The following PARM1 variants were observed in gnomAD, a reference collection of about 807,000 sequenced individuals.
The protein encoded by PARM1 is WSC4, cell wall integrity and stress response component 4 homolog.
In PARM1, 14 loss-of-function variants were observed where a neutral mutation model predicts 24.6. The ratio of observed to expected loss-of-function variants is 0.57; its 90% CI spans 0.38 to 0.89. PARM1 has a LOEUF of 0.89. Ranked by LOEUF, PARM1 falls within the 40% of genes least tolerant of loss-of-function variation. The pLI is 0.00. For missense variants in PARM1, 362 were observed against 380.4 expected, an observed-to-expected ratio of 0.95 and a Z score of 0.40; for synonymous variants, 179 against 156.6, an observed-to-expected ratio of 1.14 and a Z score of -1.07.
chr4:75,018,618 A>T (rs2109799000), intron 2 of PARM1, among the ~76,000 whole-genome samples: 1 of 152,308 alleles, frequency 6.6e-6, no homozygotes. Context: ...GTAATTATTT[A>T]TTACAATTAT....
At chr4:75,029,350 T>C (rs765921358) in intron 2 of PARM1, among the ~76,000 whole-genome samples, 16 of 152,342 alleles carry the variant, frequency 1.1e-4, no homozygotes, top group Non-Finnish European at 1.9e-4. Context: ...TTTGGCTGTG[T>C]GTCCCCACCC....
Position 75,049,799 on chromosome 4 carries a change from T to C in PARM1, c.*3552T>C, listed in dbSNP as rs1296244531. 6 of 152,556 alleles carry C rather than the reference T, an allele frequency of 3.9e-5. No individual in the cohort carries two copies. Among genetic ancestry groups the C allele is most frequent in the African/African-American group, 1.4e-4 (6 of 41,400 alleles). 9.5% of individuals were successfully genotyped at this position (152,556 alleles called of 1,614,324 possible). A position where few individuals can be genotyped will look rare whatever the true frequency, so the allele number is the denominator to read the frequency against. ...CAATCCCTCACATCCAGGAAATGAA[T>C]TTTGCAATTGGGCCAGATGCTAATT... is the stretch of plus-strand genomic sequence containing the variant. On this transcript the variant is annotated 3_prime_UTR_variant, in exon 4 of 4. Transcript: ENST00000307428.
At chr4:74,945,472 A>G (rs1240148654) in intron 1 of PARM1, among the ~76,000 whole-genome samples, 1 of 152,224 alleles carries the variant, frequency 6.6e-6, no homozygotes, top group East Asian at 1.9e-4. Context: ...AGAGAAGCAA[A>G]TAACCTCAAC....
intron 2 of PARM1, among the ~76,000 whole-genome samples, chr4:75,018,190 G>A (rs1723024260): frequency 1.3e-5 from 2 of 152,188 alleles, no homozygotes; most frequent in South Asian, 2.1e-4. Flanking sequence ...ACAATGTAGT[G>A]TGCACATGGC....
intron 1 of PARM1, among the ~76,000 whole-genome samples, chr4:74,988,971 G>C (rs1722410492): frequency 6.6e-6 from 1 of 152,160 alleles, no homozygotes; most frequent in Non-Finnish European, 1.5e-5. Context: ...ACTTAGTTTT[G>C]TGCACAGTAA....
intron 1 of PARM1, among the ~76,000 whole-genome samples, chr4:74,947,682 T>A (rs1721436227): frequency 6.6e-6 from 1 of 152,232 alleles, no homozygotes; most frequent in South Asian, 2.1e-4. Context: ...AGTATTTACT[T>A]CAAAATAATA....
At chr4:75,028,175 A>G (rs187152109) in intron 2 of PARM1, among the ~76,000 whole-genome samples, 45 of 152,328 alleles carry the variant, frequency 3.0e-4, no homozygotes, top group Middle Eastern at 3.4e-3. Context: ...AGTTGCTATT[A>G]TTTTTGTTGT....
intron 2 of PARM1, among the ~76,000 whole-genome samples, chr4:75,021,134 A>C (rs1321389228): frequency 6.6e-6 from 1 of 152,220 alleles, no homozygotes; most frequent in African/African-American, 2.4e-5. Context: ...TCAATCAATC[A>C]ATGATTTTTG....
At chr4:74,972,817 T>C (rs905712871) in intron 1 of PARM1, among the ~76,000 whole-genome samples, 26 of 152,346 alleles carry the variant, frequency 1.7e-4, no homozygotes, top group African/African-American at 5.3e-4. Flanking sequence ...ATCTTGCTGA[T>C]GCCTCAATGT....
intron 1 of PARM1, among the ~76,000 whole-genome samples, chr4:74,936,230 C>A (rs892876264): frequency 2.6e-5 from 4 of 152,054 alleles, no homozygotes; most frequent in Non-Finnish European, 4.4e-5. Context: ...TTCTATAAAC[C>A]ATTTTCAAAC....
rs1231856877 is a variant in PARM1 at position 75,047,447 on chromosome 4, A to G, written c.*1200A>G. 1 of 152,240 alleles carries G rather than the reference A, an allele frequency of 6.6e-6. No individual in the cohort carries two copies. Among genetic ancestry groups the G allele is most frequent in the Non-Finnish European group, 1.5e-5 (1 of 68,046 alleles). The allele number at this position is 152,240 out of a possible 1,614,324, so 9.4% of individuals were successfully genotyped here. A position where few individuals can be genotyped will look rare whatever the true frequency, so the allele number is the denominator to read the frequency against. The stretch of plus-strand genomic sequence containing the variant: ...GGGTATAGTCTTAAAATTCTGCACA[A>G]TAAATTTTGAGAAAGAATTGTTCCT... On this transcript the variant is annotated 3_prime_UTR_variant, in exon 4 of 4. Coordinates refer to ENST00000307428, the MANE Select transcript of PARM1 (RefSeq NM_015393.4).
rs555061290 is a variant in PARM1, at chr4:74,961,153, C to T, written c.43+27783C>T. On this transcript the variant is annotated intron_variant, in intron 1 of 3. Transcript: ENST00000307428. ...ATTCTGGAGCTGTGAAGTATAATAA[C>T]TGAAATAAAAAGTTTGCCAGTAAGA... Among the ~76,000 whole-genome samples the T allele has an allele frequency of 3.9e-5, 6 of 152,100 alleles. No individual in the cohort carries two copies. The South Asian group carries it at 1.2e-3, about 32-fold the overall frequency.
At chr4:74,959,852 A>G (rs550928374) in intron 1 of PARM1, among the ~76,000 whole-genome samples, 2 of 152,350 alleles carry the variant, frequency 1.3e-5, no homozygotes, top group African/African-American at 2.4e-5. Flanking sequence ...TCAGAGCACT[A>G]TGGGAATATG....
At chr4:74,979,344 CA>C (rs1024037709) in intron 1 of PARM1, among the ~76,000 whole-genome samples, 10 of 151,942 alleles carry the variant, frequency 6.6e-5, no homozygotes, top group Admixed American at 6.6e-4. Context: ...TCTATGCAAA[CA>C]AACTAGAAAA....
intron 3 of PARM1, among the ~76,000 whole-genome samples, chr4:75,041,327 A>G (rs760187280): frequency 6.6e-6 from 1 of 152,254 alleles, no homozygotes; most frequent in Non-Finnish European, 1.5e-5. Context: ...TTAATTACTC[A>G]TGGCTAATGA....
chr4:74,936,649 G>GT (rs1721198649), intron 1 of PARM1, among the ~76,000 whole-genome samples: 1 of 151,776 alleles, frequency 6.6e-6, no homozygotes, highest in Non-Finnish European at 1.5e-5. Flanking sequence ...TAGAGACGGG[G>GT]TTTCACCGTG....
intron 1 of PARM1, among the ~76,000 whole-genome samples, chr4:74,960,874 G>C (rs1578028971): frequency 6.6e-6 from 1 of 151,920 alleles, no homozygotes; most frequent in Non-Finnish European, 1.5e-5. Flanking sequence ...AATTAGCGGG[G>C]TGTGGTGGCA....
chr4:74,960,844 T>G (rs370783595), intron 1 of PARM1, among the ~76,000 whole-genome samples: 3 of 144,642 alleles, frequency 2.1e-5, no homozygotes. Flanking sequence ...CCCTCTCTAC[T>G]AAAAATACAA....
At chr4:74,949,329 T>A (rs1721476158) in intron 1 of PARM1, among the ~76,000 whole-genome samples, 1 of 152,036 alleles carries the variant, frequency 6.6e-6, no homozygotes, top group East Asian at 1.9e-4. Flanking sequence ...GTCAGTTTTC[T>A]TTTTTTTGAG....
Sources: gnomAD v4.1 joint callset for allele counts (sites outside exome capture counted in the v4.1 genomes callset) on GRCh38, gnomAD v4.1.1 for gene constraint, MANE v1.5 for transcripts, NCBI Gene and HGNC (gene_info 2026-07-23, HGNC 2026-07-21) for gene names.